COG6: variants seen among roughly 807,000 people sequenced by gnomAD.
The protein encoded by COG6 is component of oligomeric golgi complex 6.
Under a neutral mutation model 88.8 loss-of-function variants are expected in COG6, and 74 were observed. That is an observed-to-expected ratio of 0.83 (90% confidence interval 0.69 to 1.01). The LOEUF (loss-of-function observed/expected upper bound fraction) is 1.01. Among genes scored for constraint, COG6 ranks in the 50% least tolerant of loss-of-function variants. The probability of loss-of-function intolerance (pLI) is 0.00; values close to 1 mark genes in which losing one functional copy is unlikely to be tolerated. For missense variants in COG6, 800 were observed against 797.9 expected, an observed-to-expected ratio of 1.00 and a Z score of -0.03; for synonymous variants, 286 against 278.7, an observed-to-expected ratio of 1.03 and a Z score of -0.26.
intron 18 of COG6, among the ~76,000 whole-genome samples, chr13:39,738,312 T>G (rs1003778727): frequency 6.6e-6 from 1 of 152,178 alleles, no homozygotes; most frequent in Non-Finnish European, 1.5e-5. Flanking sequence ...AGTGGAAGTT[T>G]GGTGTTTTAA....
At chr13:39,773,171 C>T (rs1050308808) in intron 18 of COG6, among the ~76,000 whole-genome samples, 1 of 152,194 alleles carries the variant, frequency 6.6e-6, no homozygotes, top group Non-Finnish European at 1.5e-5. Flanking sequence ...GAAAAATAGC[C>T]TGTCTGTCTT....
At chr13:39,777,194 T>C in intron 18 of COG6, among the ~76,000 whole-genome samples, 1 of 152,160 alleles carries the variant, frequency 6.6e-6, no homozygotes, top group Admixed American at 6.5e-5. Context: ...GTAGGGGAGA[T>C]AAGCATTCAA....
In COG6 at chr13:39,694,704, A is replaced by C. The variant is rs139371264; in HGVS notation, c.1145A>C (p.Lys382Thr). 2 of 1,580,484 alleles carry C rather than the reference A, an allele frequency of 1.3e-6. No individual in the cohort carries two copies. Among genetic ancestry groups the C allele is most frequent in the East Asian group, 2.2e-5 (1 of 44,502 alleles). Residue 382 changes from lysine (K) to threonine (T), a missense_variant, in exon 12 of 19, where the codon AAA becomes ACA. By Grantham distance (78) the Lys-to-Thr change is moderately conservative. Transcript: ENST00000455146. ...TTATATAAAATTTCTAATCTCCTCA[A>C]ATTTTATCACCATACAATCAGGTAA... ...VLLYKISNLLKFYHHTISGIV... is the reference protein window; with the variant it reads ...VLLYKISNLLTFYHHTISGIV...
downstream of COG6, among the ~76,000 whole-genome samples, chr13:39,756,698 A>G (rs981167758): frequency 3.3e-5 from 5 of 151,938 alleles, no homozygotes; most frequent in Non-Finnish European, 7.4e-5. Flanking sequence ...CAGAAACTGT[A>G]GAAACCAAAA....
chr13:39,662,699 T>A (rs1874985190), intron 3 of COG6, among the ~76,000 whole-genome samples: 1 of 152,318 alleles, frequency 6.6e-6, no homozygotes, highest in South Asian at 2.1e-4. Flanking sequence ...TATTTAATAC[T>A]GCCTATTGTT....
chr13:39,658,101 A>G (rs1336163755), intron 1 of COG6, among the ~76,000 whole-genome samples: 1 of 151,222 alleles, frequency 6.6e-6, no homozygotes, highest in Non-Finnish European at 1.5e-5. Context: ...GCAAATCCAC[A>G]AACATATCTT....
chr13:39,660,045 C>T lies in COG6; in HGVS notation c.297+538C>T, dbSNP rs111672117. ...TAATATTTTATTAGCTGTTTTAATACATTGTAATACTAATATATTTCTATG... is the reference window on the plus strand; with the variant it reads ...TAATATTTTATTAGCTGTTTTAATATATTGTAATACTAATATATTTCTATG... On this transcript the variant is annotated intron_variant, in intron 2 of 18. Transcript: ENST00000455146. Among the ~76,000 whole-genome samples the T allele has an allele frequency of 7.5e-3, 1,145 of 152,138 alleles. 13 individuals carry two copies. Among genetic ancestry groups the T allele is most frequent in the African/African-American group, 0.026 (1,074 of 41,498 alleles).
At chr13:39,736,203 T>C (rs1373637929) in intron 18 of COG6, among the ~76,000 whole-genome samples, 5 of 152,136 alleles carry the variant, frequency 3.3e-5, no homozygotes, top group Non-Finnish European at 7.4e-5. Flanking sequence ...TTATTCCTTT[T>C]TCTTTTGTCT....
At chr13:39,788,281 C>T in intron 18 of COG6, 1 of 1,538,848 alleles carries the variant, frequency 6.5e-7, no homozygotes, top group Non-Finnish European at 8.8e-7. Flanking sequence ...GTATTCAAAG[C>T]AGGAAACTGC....
Position 39,720,619 on chromosome 13 carries a change from T to G in COG6, c.1584+792T>G, listed in dbSNP as rs938318851. On this transcript the variant is annotated intron_variant, in intron 15 of 18. Coordinates refer to ENST00000455146, the MANE Select transcript of COG6 (RefSeq NM_020751.3). Reference sequence around the variant, plus strand: ...TTAAAGTCAAATAATTCTACAGAACTTGTTACGAAAAGCCACCAGTGTACC... The same window carrying G: ...TTAAAGTCAAATAATTCTACAGAACGTGTTACGAAAAGCCACCAGTGTACC... Among the ~76,000 whole-genome samples, 6 of 152,084 alleles carry G rather than the reference T, an allele frequency of 3.9e-5. No individual in the cohort carries two copies. The East Asian group carries it at 1.2e-3, about 29-fold the overall frequency.
chr13:39,671,800 A>G (rs1875660182), intron 4 of COG6, among the ~76,000 whole-genome samples: 1 of 151,916 alleles, frequency 6.6e-6, no homozygotes, highest in Non-Finnish European at 1.5e-5. Context: ...GTTTTATTAT[A>G]TATTTTCCAT....
At chr13:39,696,337 TAGGTA>T (rs1487953595) in intron 12 of COG6, among the ~76,000 whole-genome samples, 1 of 151,918 alleles carries the variant, frequency 6.6e-6, no homozygotes, top group Non-Finnish European at 1.5e-5. Flanking sequence ...ATAATAATTT[TAGGTA>T]GTGGTAAGGG....
intron 18 of COG6, among the ~76,000 whole-genome samples, chr13:39,741,729 A>G (rs1390703810): frequency 6.6e-6 from 1 of 152,120 alleles, no homozygotes; most frequent in Non-Finnish European, 1.5e-5. Flanking sequence ...GCAGGCCAAC[A>G]TTCAAATTCA....
At chr13:39,767,683 G>A (rs1881206432) in intron 18 of COG6, among the ~76,000 whole-genome samples, 1 of 152,208 alleles carries the variant, frequency 6.6e-6, no homozygotes, top group Non-Finnish European at 1.5e-5. Flanking sequence ...CTCCCTTACA[G>A]GGTGATAAAG....
At chr13:39,688,358 C>T (rs1042154749) in intron 10 of COG6, among the ~76,000 whole-genome samples, 9 of 152,108 alleles carry the variant, frequency 5.9e-5, no homozygotes, top group South Asian at 2.1e-4. Flanking sequence ...ATTTGACTCA[C>T]GGTTCTGCAG....
chr13:39,699,647 T>A (rs1392589636), intron 13 of COG6, 29 bp downstream of exon 13: 1 of 969,802 alleles, frequency 1.0e-6, no homozygotes, highest in Non-Finnish European at 1.7e-6. Context: ...ATTATTAAAT[T>A]ATGTGAATGT....
At position 39,662,085 on chromosome 13, in the gene COG6, C is replaced by T. The variant is rs1321375865; in HGVS notation, c.369+1204C>T. Among the ~76,000 whole-genome samples the T allele has an allele frequency of 2.7e-5, 4 of 149,712 alleles. No homozygotes were observed. In the East Asian group the frequency reaches 5.8e-4, roughly 22 times the overall value. ...ATTTTTATTTGTGCTATTTTTCAAA[C>T]AGTTTATAAATATTTTAAATTACAA... On this transcript the variant is annotated intron_variant, in intron 3 of 18. Transcript: ENST00000455146.
intron 13 of COG6, among the ~76,000 whole-genome samples, chr13:39,706,658 C>G (rs932536468): frequency 6.6e-6 from 1 of 151,954 alleles, no homozygotes; most frequent in African/African-American, 2.4e-5. Context: ...TTTTCAATAG[C>G]TTAAATGCTT....
At chr13:39,731,194 C>T (rs562195863) in intron 18 of COG6, among the ~76,000 whole-genome samples, 226 of 152,232 alleles carry the variant, frequency 1.5e-3, no homozygotes, top group African/African-American at 4.9e-3. Flanking sequence ...TGAACTTTAT[C>T]TATCTTCATA....
Sources: allele counts gnomAD v4.1 joint callset (sites outside exome capture counted in the v4.1 genomes callset), GRCh38; gene constraint gnomAD v4.1.1; transcripts MANE v1.5; gene names NCBI Gene and HGNC (gene_info 2026-07-23, HGNC 2026-07-21).